The following PRCD variants were observed in gnomAD, a reference collection of about 807,000 sequenced individuals.
The protein encoded by PRCD is photoreceptor disk component PRCD.
In PRCD, 12 loss-of-function variants were observed where a neutral mutation model predicts 10.1. That is an observed-to-expected ratio of 1.18 (90% CI 0.76 to 1.92). The LOEUF (loss-of-function observed/expected upper bound fraction) is 1.92, where lower values mean the gene tolerates loss of function less well. PRCD is among the 40% of genes most tolerant of loss of function. The pLI is 0.00. For synonymous variants in PRCD, 31 were observed against 26.2 expected (o/e 1.18, Z -0.56); for missense variants, 61 against 72.2 (o/e 0.84, Z 0.56).
Position 76,540,711 on chromosome 17 carries a change from C to T in PRCD, c.143+138C>T. 1 of 822,308 alleles carries T rather than the reference C, an allele frequency of 1.2e-6. No homozygotes were observed. The highest frequency in any genetic ancestry group is 2.0e-6 in the Non-Finnish European group (1 of 492,042). The allele number at this position is 822,308 out of a possible 1,614,324, so 50.9% of individuals were successfully genotyped here. On this transcript the variant is annotated intron_variant, in intron 2 of 4. Transcript: ENST00000592014. This position sits in a 1 kb window ranked among gnomAD's most constrained non-coding sequence, Gnocchi z 5.0. ...TGGCCCTTGCCCTAAGCACCCTGCTCCCTGTCCGCCTGCTGGGCAGGCTGG... is the reference window on the plus strand; with the variant it reads ...TGGCCCTTGCCCTAAGCACCCTGCTTCCTGTCCGCCTGCTGGGCAGGCTGG...
At chr17:76,538,333 G>T (rs1449930172), upstream of PRCD, 9 of 327,160 alleles carry the variant, frequency 2.8e-5, no homozygotes, top group Non-Finnish European at 5.5e-5. Context: ...GTTAGCACGG[G>T]GGTCGTCCCC....
chr17:76,527,710 G>C (rs1195894726), upstream of PRCD: 1 of 453,912 alleles, frequency 2.2e-6, no homozygotes, highest in Non-Finnish European at 4.4e-6. Context: ...CGGATCCCCC[G>C]GGGCTGCCCT....
downstream of PRCD, among the ~76,000 whole-genome samples, chr17:76,548,032 A>G (rs1365194208): frequency 6.6e-6 from 1 of 152,104 alleles, no homozygotes; most frequent in Admixed American, 6.5e-5. Context: ...ACACAGACAT[A>G]CACATATACG....
At chr17:76,542,844 A>G (rs1218371890) in intron 3 of PRCD, among the ~76,000 whole-genome samples, 185 bp from the exon 4 acceptor site, 1 of 152,192 alleles carries the variant, frequency 6.6e-6, no homozygotes, top group East Asian at 1.9e-4. Context: ...GAGTTTGAAG[A>G]GAACCAGGTG....
chr17:76,529,044 G>GCCCCCCCC (rs34648121), intron 1 of PRCD: 2 of 779,744 alleles, frequency 2.6e-6, no homozygotes, highest in African/African-American at 2.3e-5. Flanking sequence ...CAGTCATTGC[G>GCCCCCCCC]CCCCCCCCCC....
rs2074884639 is a variant in PRCD, at chr17:76,534,134, C to CTCTCTT, written n.45+6313_45+6318dup. Among the ~76,000 whole-genome samples, 10 of 131,400 alleles carry CTCTCTT rather than the reference C, an allele frequency of 7.6e-5. No individual in the cohort carries two copies. In the South Asian group the frequency reaches 7.7e-4, roughly 10 times the overall value. The allele number at this position is 131,400 out of a possible 152,430, so 86.2% of individuals were successfully genotyped here. A position where few individuals can be genotyped will look rare whatever the true frequency, so the allele number is the denominator to read the frequency against. On this transcript the variant is annotated intron_variant and non_coding_transcript_variant, in intron 1 of 4. Transcript: ENST00000397633. Reference sequence around the variant, plus strand: ...TTCTTCTTTCTTTCTTTCTTTCTCTCTCTCTTTCTCTTTCTCTCTCTCTCT... The same window carrying CTCTCTT: ...TTCTTCTTTCTTTCTTTCTTTCTCTCTCTCTTTCTCTTTCTCTTTCTCTCTCTCTCT...
At chr17:76,535,053 G>C (rs1388435920), upstream of PRCD, among the ~76,000 whole-genome samples, 1 of 152,232 alleles carries the variant, frequency 6.6e-6, no homozygotes, top group Non-Finnish European at 1.5e-5. Flanking sequence ...GAGGAGGAAG[G>C]TGTCAGAGTT....
Position 76,540,250 on chromosome 17 carries a change from T to TGGGG in PRCD, c.74+35_74+36insGGGG, listed in dbSNP as rs774019278. The stretch of plus-strand genomic sequence containing the variant: ...TGACCGGGCTATGGCTGGCGGTTGG[T>TGGGG]CGGGGGGGGGGGGCATGGGGCTGGG... On this transcript the variant is annotated intron_variant, in intron 1 of 4. Transcript: ENST00000592014. The surrounding 1 kb of genome is among the most constrained non-coding windows in gnomAD (Gnocchi z 5.0). 1.5e-4 allele frequency: 68 copies of TGGGG among 467,130 alleles called. 5 individuals are homozygous for TGGGG. Among genetic ancestry groups the TGGGG allele is most frequent in the Non-Finnish European group, 1.9e-4 (52 of 278,486 alleles). 28.9% of individuals were successfully genotyped at this position (467,130 alleles called of 1,614,324 possible).
At position 76,544,450 on chromosome 17, in the gene PRCD, C is replaced by G. The variant is rs1263708885; in HGVS notation, c.*800C>G. 1 of 455,080 alleles carries G rather than the reference C, an allele frequency of 2.2e-6. No individual in the cohort carries two copies. The highest frequency in any genetic ancestry group is 4.4e-6 in the Non-Finnish European group (1 of 226,976). The allele number at this position is 455,080 out of a possible 1,614,324, so 28.2% of individuals were successfully genotyped here. ...AGGAGGTGCACCCCGCTGGGGAGGGCCTGCTGGTACCTCGGGGAGCCTGGC... is the reference window on the plus strand; with the variant it reads ...AGGAGGTGCACCCCGCTGGGGAGGGGCTGCTGGTACCTCGGGGAGCCTGGC... On this transcript the variant is annotated 3_prime_UTR_variant, in exon 5 of 5. Transcript: ENST00000592014.
At chr17:76,529,045 C>G (rs1598200107) in intron 1 of PRCD, 2 of 45,704 alleles carry the variant, frequency 4.4e-5, no homozygotes, top group Non-Finnish European at 4.8e-5. Flanking sequence ...AGTCATTGCG[C>G]CCCCCCCCCA....
chr17:76,527,793 C>T (rs770752303), exon 1 of PRCD: 23 of 454,024 alleles, frequency 5.1e-5, no homozygotes, highest in South Asian at 2.5e-4. Flanking sequence ...GGTCATCCCA[C>T]CCAGAACTTC....
upstream of PRCD, chr17:76,537,533 C>T (rs1222738824): frequency 2.0e-5 from 31 of 1,560,896 alleles, no homozygotes; most frequent in Non-Finnish European, 2.6e-5. Flanking sequence ...TCGCCTGGCA[C>T]TTTCTCCATG....
At position 76,540,458 on chromosome 17, in the gene PRCD, G is replaced by C; in HGVS notation, c.75-47G>C. On this transcript the variant is annotated intron_variant, in intron 1 of 4. Transcript: ENST00000592014. The surrounding 1 kb of genome is among the most constrained non-coding windows in gnomAD (Gnocchi z 5.0). Reference sequence around the variant, plus strand: ...CTGGACCTGTGGAGGGACAGTGAGGGGCTGGGCACAGCCATAGCTCTTCCT... The same window carrying C: ...CTGGACCTGTGGAGGGACAGTGAGGCGCTGGGCACAGCCATAGCTCTTCCT... 6.3e-7 allele frequency: 1 copy of C among 1,598,962 alleles called. No homozygotes were observed. The highest frequency in any genetic ancestry group is 8.6e-7 in the Non-Finnish European group (1 of 1,166,780).
chr17:76,547,791 TACAC>T (rs906318863), downstream of PRCD, among the ~76,000 whole-genome samples: 39 of 142,576 alleles, frequency 2.7e-4, no homozygotes, highest in Non-Finnish European at 4.7e-4. Flanking sequence ...CACACAGACA[TACAC>T]ACATTCACAG....
upstream of PRCD, among the ~76,000 whole-genome samples, chr17:76,539,847 G>A (rs140033595): frequency 5.3e-5 from 8 of 152,322 alleles, no homozygotes; most frequent in East Asian, 1.3e-3. Flanking sequence ...TAGAGTGGCA[G>A]CTCCTTGCAA....
Position 76,531,614 on chromosome 17 carries a change from C to T in PRCD, n.45+3781C>T, listed in dbSNP as rs146768380. 37 of 1,613,502 alleles carry T rather than the reference C, an allele frequency of 2.3e-5. No homozygotes were observed. In the African/African-American group the frequency reaches 4.1e-4, roughly 18 times the overall value. On this transcript the variant is annotated intron_variant and non_coding_transcript_variant, in intron 1 of 4. Coordinates refer to the PRCD transcript ENST00000397633. The surrounding 1 kb of genome is among the most constrained non-coding windows in gnomAD (Gnocchi z 7.4). ...GGCGTGCTTCCGCAGCTGGGGGCTCCGCTCCATCTCCAGGGGATCCTCCAT... is the reference window on the plus strand; with the variant it reads ...GGCGTGCTTCCGCAGCTGGGGGCTCTGCTCCATCTCCAGGGGATCCTCCAT...
chr17:76,531,025 C>T lies in PRCD; in HGVS notation n.45+3192C>T. The T allele has an allele frequency of 6.2e-7, 1 of 1,613,288 alleles. No individual in the cohort carries two copies. Among genetic ancestry groups the T allele is most frequent in the South Asian group, 1.1e-5 (1 of 91,032 alleles). ...TGCACCCAGCCCACTTCCTTGTAGG[C>T]AGCGGTCACGTGGCTGTAGATGAGG... On this transcript the variant is annotated intron_variant and non_coding_transcript_variant, in intron 1 of 4. Transcript: ENST00000397633. The surrounding 1 kb of genome is among the most constrained non-coding windows in gnomAD (Gnocchi z 7.4).
At chr17:76,548,903 A>C (rs1320930075), downstream of PRCD, among the ~76,000 whole-genome samples, 1 of 152,202 alleles carries the variant, frequency 6.6e-6, no homozygotes, top group South Asian at 2.1e-4. Context: ...GCCTGGAGAC[A>C]GTTCCCTGAC....
At chr17:76,529,048 C>CCCCCA (rs2143066581) in intron 1 of PRCD, 2 of 431,364 alleles carry the variant, frequency 4.6e-6, no homozygotes, top group Non-Finnish European at 6.0e-6. Context: ...CATTGCGCCC[C>CCCCCA]CCCCCCACCC....
Sources: allele counts gnomAD v4.1 joint callset (sites outside exome capture counted in the v4.1 genomes callset), GRCh38; gene constraint gnomAD v4.1.1; non-coding constraint Gnocchi (gnomAD v3.1); transcripts MANE v1.5; gene names NCBI Gene and HGNC (gene_info 2026-07-23, HGNC 2026-07-21).